The following NCOR1 variants were observed in gnomAD, a reference collection of about 807,000 sequenced individuals.
NCOR1 encodes nuclear receptor corepressor 1, also known as protein phosphatase 1, regulatory subunit 109.
Under a neutral mutation model 288.1 loss-of-function variants are expected in NCOR1, and 63 were observed. That is an observed-to-expected ratio of 0.22 (90% CI 0.18 to 0.27). The LOEUF (loss-of-function observed/expected upper bound fraction) is 0.27, where lower values mean the gene tolerates loss of function less well. Ranked by LOEUF, NCOR1 falls within the 10% of genes least tolerant of loss-of-function variation. The pLI is 1.00. For missense variants in NCOR1, 2,397 were observed against 3,019.2 expected (o/e 0.79, Z 4.83); for synonymous variants, 1,007 against 1,065.9 (o/e 0.94, Z 1.08).
At chr17:16,207,042 T>C (rs555303912) in intron 1 of NCOR1, among the ~76,000 whole-genome samples, 116 of 152,330 alleles carry the variant, frequency 7.6e-4, no homozygotes, top group Middle Eastern at 3.4e-3. Context: ...AGAATGTATA[T>C]ACTCTTACAT....
At chr17:16,203,459 AGCTCCT>A (rs2091114186) in intron 1 of NCOR1, among the ~76,000 whole-genome samples, 1 of 152,112 alleles carries the variant, frequency 6.6e-6, no homozygotes, top group South Asian at 2.1e-4. Flanking sequence ...TCAGGTGGCT[AGCTCCT>A]CCTCAAACTT....
chr17:16,058,701 G>T, intron 37 of NCOR1, 102 bp from the exon 38 acceptor site: 1 of 1,201,698 alleles, frequency 8.3e-7, no homozygotes. Flanking sequence ...GATCCACCAT[G>T]TTCAAAGGTA....
At chr17:16,086,148 A>G in intron 23 of NCOR1, 134 bp downstream of exon 23, 1 of 1,026,030 alleles carries the variant, frequency 9.7e-7, no homozygotes, top group Non-Finnish European at 1.4e-6. Context: ...TCTTCTGGTC[A>G]TTATCTCTTG....
At chr17:16,098,274 T>C in intron 21 of NCOR1, 93 bp downstream of exon 21, 1 of 1,293,522 alleles carries the variant, frequency 7.7e-7, no homozygotes, top group Non-Finnish European at 1.1e-6. Context: ...CCACTATTTT[T>C]TTAATCAAGA....
chr17:16,121,387 C>CAAA lies in NCOR1; in HGVS notation c.1635-121_1635-119dup, dbSNP rs11410605. 1,379 of 552,066 alleles carry CAAA rather than the reference C, an allele frequency of 2.5e-3. 5 individuals are homozygous for CAAA. The highest frequency in any genetic ancestry group is 0.021 in the African/African-American group (1,083 of 50,582). 34.2% of individuals were successfully genotyped at this position (552,066 alleles called of 1,614,324 possible). A position where few individuals can be genotyped will look rare whatever the true frequency, so the allele number is the denominator to read the frequency against. ...GAATAAAACTACCTAATCTCTCACTCAAAAAAAAAAAATTATCAACAATTC... is the reference window on the plus strand; with the variant it reads ...GAATAAAACTACCTAATCTCTCACTCAAAAAAAAAAAAAAATTATCAACAATTC... On this transcript the variant is annotated intron_variant, in intron 15 of 45. Transcript: ENST00000268712.
chr17:16,167,371 C>A (rs1268936063), intron 4 of NCOR1, among the ~76,000 whole-genome samples: 1 of 151,382 alleles, frequency 6.6e-6, no homozygotes, highest in Non-Finnish European at 1.5e-5. Context: ...AGATTCTTAC[C>A]TCATATCTTA....
chr17:16,190,097 G>T (rs1326327813), intron 2 of NCOR1, among the ~76,000 whole-genome samples: 3 of 152,110 alleles, frequency 2.0e-5, no homozygotes, highest in Admixed American at 1.3e-4. Context: ...GGGCATGGTG[G>T]TTCAAACCTA....
intron 16 of NCOR1, among the ~76,000 whole-genome samples, chr17:16,119,715 T>C (rs549260236): frequency 6.6e-6 from 1 of 152,320 alleles, no homozygotes; most frequent in East Asian, 1.9e-4. Context: ...TCTCTTCATG[T>C]CTACATTTTT....
intron 22 of NCOR1, chr17:16,087,111 C>A (rs2064362508): frequency 1.6e-6 from 2 of 1,226,072 alleles, no homozygotes; most frequent in South Asian, 1.3e-5. Flanking sequence ...GATTAAACCA[C>A]CCACGTGGAA....
At position 16,034,628 on chromosome 17, in the gene NCOR1, A is replaced by G; in HGVS notation, c.7135+137T>C. ...TCAAAAAAATACTTCTATTCGGGAA[A>G]GTGGAACATATTAATGATACAGAAA... is the stretch of plus-strand genomic sequence containing the variant. On this transcript the variant is annotated intron_variant, in intron 45 of 45. Coordinates refer to ENST00000268712, the MANE Select transcript of NCOR1 (RefSeq NM_006311.4). The G allele has an allele frequency of 3.8e-6, 3 of 796,858 alleles. No homozygotes were observed. The East Asian group carries it at 7.5e-5, about 20-fold the overall frequency. The allele number at this position is 796,858 out of a possible 1,614,324, so 49.4% of individuals were successfully genotyped here. A position where few individuals can be genotyped will look rare whatever the true frequency, so the allele number is the denominator to read the frequency against.
At chr17:16,047,897 A>G (rs140713793) in intron 41 of NCOR1, among the ~76,000 whole-genome samples, 179 of 152,366 alleles carry the variant, frequency 1.2e-3, no homozygotes, top group African/African-American at 4.2e-3. Context: ...CCCTGTCCTC[A>G]AAACACTCAT....
At chr17:16,139,989 T>C (rs1396812013) in intron 11 of NCOR1, among the ~76,000 whole-genome samples, 1 of 152,236 alleles carries the variant, frequency 6.6e-6, no homozygotes. Flanking sequence ...TTGAACACTA[T>C]AGTGTTTAGA....
intron 22 of NCOR1, 47 bp from the exon 23 acceptor site, chr17:16,086,489 T>C: frequency 6.5e-7 from 1 of 1,535,180 alleles, no homozygotes; most frequent in South Asian, 1.2e-5. Flanking sequence ...CATTTCCTAG[T>C]TTACAACATG....
chr17:16,090,042 G>A (rs2064929320), intron 22 of NCOR1, among the ~76,000 whole-genome samples: 1 of 152,048 alleles, frequency 6.6e-6, no homozygotes. Context: ...GGATACCACT[G>A]AGATCTAAAC....
At chr17:16,210,112 G>T (rs1343099550) in intron 1 of NCOR1, among the ~76,000 whole-genome samples, 1 of 152,096 alleles carries the variant, frequency 6.6e-6, no homozygotes, top group South Asian at 2.1e-4. Context: ...GGCCAGGTGT[G>T]GTGGCTCACG....
chr17:16,175,522 C>T (rs178833), intron 3 of NCOR1, among the ~76,000 whole-genome samples: 87,660 of 151,968 alleles, frequency 0.58, 25,861 homozygotes, highest in African/African-American at 0.66. Flanking sequence ...ATCATTCGAA[C>T]TTTAAAGAAT....
At chr17:16,211,886 A>G (rs1009961010) in intron 1 of NCOR1, among the ~76,000 whole-genome samples, 5 of 152,184 alleles carry the variant, frequency 3.3e-5, no homozygotes, top group Non-Finnish European at 5.9e-5. Flanking sequence ...AGTGCTCTTA[A>G]AAAGTGCTAA....
At chr17:16,036,313 T>G (rs1373088371) in intron 44 of NCOR1, among the ~76,000 whole-genome samples, 1 of 152,248 alleles carries the variant, frequency 6.6e-6, no homozygotes, top group Non-Finnish European at 1.5e-5. Flanking sequence ...CAAGCCATTC[T>G]GTAAACACAT....
chr17:16,086,623 A>G (rs1339148405), intron 22 of NCOR1, among the ~76,000 whole-genome samples, 181 bp from the exon 23 acceptor site: 2 of 152,158 alleles, frequency 1.3e-5, no homozygotes, highest in African/African-American at 4.8e-5. Context: ...ATTTGTCACA[A>G]ATACTATTTG....
Sources: allele counts gnomAD v4.1 joint callset (sites outside exome capture counted in the v4.1 genomes callset), GRCh38; gene constraint gnomAD v4.1.1; transcripts MANE v1.5; gene names NCBI Gene and HGNC (gene_info 2026-07-23, HGNC 2026-07-21).